The following MACF1 variants were observed in gnomAD, a reference collection of about 807,000 sequenced individuals.
The protein encoded by MACF1 is microtubule-actin cross-linking factor 1.
Under a neutral mutation model 854.8 loss-of-function variants are expected in MACF1, and 193 were observed. The ratio of observed to expected loss-of-function variants is 0.23; its 90% CI spans 0.20 to 0.25. The LOEUF is 0.25. MACF1 is among the 10% of genes least tolerant of loss of function. The pLI is 1.00. For synonymous variants in MACF1, 3,185 were observed against 3,226.7 expected, an observed-to-expected ratio of 0.99 and a Z score of 0.44; for missense variants, 7,722 against 8,929.1, an observed-to-expected ratio of 0.86 and a Z score of 5.45.
At chr1:39,127,050 C>A (rs1642878699) in intron 2 of MACF1, among the ~76,000 whole-genome samples, 1 of 151,756 alleles carries the variant, frequency 6.6e-6, no homozygotes, top group South Asian at 2.1e-4. Context: ...TGGCGAAACC[C>A]CGACTCTACT....
Position 39,447,908 on chromosome 1 carries a change from G to A in MACF1, c.19968+10G>A. ...GAAGCGGGCAAAACAAGTAAGTTGG[G>A]GAAGAAAGATACTAATTCACTGAAG... On this transcript the variant is annotated intron_variant, in intron 82 of 100. Transcript: ENST00000564288. 1 of 1,613,714 alleles carries A rather than the reference G, an allele frequency of 6.2e-7. No individual in the cohort carries two copies. Among genetic ancestry groups the A allele is most frequent in the Non-Finnish European group, 8.5e-7 (1 of 1,179,882 alleles).
At position 39,244,528 on chromosome 1, in the gene MACF1, G is replaced by A. The variant is rs554101645; in HGVS notation, c.172-5486G>A. ...GAACTCCTGACCTCATGATCCACCCGCCTTGGCCTCCCAAAGTGCTAGGAT... is the reference window on the plus strand; with the variant it reads ...GAACTCCTGACCTCATGATCCACCCACCTTGGCCTCCCAAAGTGCTAGGAT... On this transcript the variant is annotated intron_variant, in intron 2 of 100. Coordinates refer to ENST00000564288, the MANE Select transcript of MACF1 (RefSeq NM_001394062.1). 7.1e-4 allele frequency among the ~76,000 whole-genome samples: 107 copies of A among 151,160 alleles called. 1 individual carries two copies. Among genetic ancestry groups the A allele is most frequent in the South Asian group, 5.9e-3 (28 of 4,778 alleles).
Position 39,335,303 on chromosome 1 carries a change from T to C in MACF1, c.8715T>C (p.Asp2905=), listed in dbSNP as rs369541766. Residue 2905 remains aspartate (D), a synonymous_variant, in exon 37 of 101, where the codon GAT becomes GAC. Coordinates refer to ENST00000564288, the MANE Select transcript of MACF1 (RefSeq NM_001394062.1). ...TGGCTAGAAATAACATGGGAAATGA[T>C]ACAAATGAAGAGCAGGAAAAAGCAG... ...KEVARNNMGN[D]TNEEQEKAVT... is the part of the protein sequence containing the mutation. 1 of 1,614,072 alleles carries C rather than the reference T, an allele frequency of 6.2e-7. No individual in the cohort carries two copies. Among genetic ancestry groups the C allele is most frequent in the African/African-American group, 1.3e-5 (1 of 75,034 alleles).
chr1:39,334,139 T>C lies in MACF1; in HGVS notation c.7551T>C (p.Ser2517=), dbSNP rs1646772860. The change falls in exon 37 of 101, where the codon TCT becomes TCC. Residue 2517 remains serine (S), a synonymous_variant. Transcript: ENST00000564288. ...IIHHISGMRL[S]VDNAFRHGLI... is the part of the protein sequence containing the mutation. ...ACCATATATCTGGGATGAGACTTTCTGTTGATAATGCCTTCAGACATGGCT... is the reference window on the plus strand; with the variant it reads ...ACCATATATCTGGGATGAGACTTTCCGTTGATAATGCCTTCAGACATGGCT... 6.2e-7 allele frequency: 1 copy of C among 1,614,194 alleles called. No individual in the cohort carries two copies. Among genetic ancestry groups the C allele is most frequent in the Non-Finnish European group, 8.5e-7 (1 of 1,180,026 alleles).
chr1:39,138,502 G>A (rs958693368), intron 2 of MACF1, among the ~76,000 whole-genome samples: 15 of 150,418 alleles, frequency 1.0e-4, no homozygotes, highest in African/African-American at 3.2e-4. Flanking sequence ...GGAGAATGGC[G>A]TGAACCTGGG....
chr1:39,160,757 CAG>C (rs1339637383), intron 2 of MACF1, among the ~76,000 whole-genome samples: 3 of 152,190 alleles, frequency 2.0e-5, no homozygotes, highest in African/African-American at 4.8e-5. Context: ...GGCTGCCAGG[CAG>C]AGAGTTAGAT....
chr1:39,233,293 CAA>C (rs1275444008), intron 2 of MACF1, among the ~76,000 whole-genome samples: 1 of 152,192 alleles, frequency 6.6e-6, no homozygotes, highest in Non-Finnish European at 1.5e-5. Context: ...CTAAGTCTCC[CAA>C]AGTGCTGGGA....
intron 40 of MACF1, among the ~76,000 whole-genome samples, chr1:39,346,610 C>T (rs889579365): frequency 1.3e-5 from 2 of 150,956 alleles, no homozygotes; most frequent in African/African-American, 4.9e-5. Flanking sequence ...ACCTCTGCCT[C>T]CCGGGTTCAC....
chr1:39,323,807 C>G (rs1321193742), intron 33 of MACF1, among the ~76,000 whole-genome samples: 2 of 152,132 alleles, frequency 1.3e-5, no homozygotes, highest in East Asian at 3.8e-4. Context: ...ATATCCATAC[C>G]TACATAATGT....
At chr1:39,241,990 C>G (rs1467527516) in intron 2 of MACF1, among the ~76,000 whole-genome samples, 1 of 152,162 alleles carries the variant, frequency 6.6e-6, no homozygotes, top group Non-Finnish European at 1.5e-5. Flanking sequence ...TAACTTACTC[C>G]TTTTGTTAAA....
At chr1:39,190,270 CCT>C (rs1282578219) in intron 2 of MACF1, among the ~76,000 whole-genome samples, 5 of 151,672 alleles carry the variant, frequency 3.3e-5, no homozygotes, top group Admixed American at 6.6e-5. Context: ...TCCTTCGCTG[CCT>C]CTCTCTCTTC....
chr1:39,443,555 A>G lies in MACF1; in HGVS notation c.19412A>G (p.Glu6471Gly), dbSNP rs759381260. The G allele has an allele frequency of 1.2e-6, 2 of 1,612,456 alleles. No homozygotes were observed. Among genetic ancestry groups the G allele is most frequent in the Admixed American group, 1.7e-5 (1 of 59,668 alleles). Residue 6471 changes from glutamate to glycine, a missense_variant, in exon 79 of 101, where the codon GAA becomes GGA. By Grantham distance (98) the Glu-to-Gly change is moderately conservative. This residue lies in a region of MACF1 where 729 missense variants were observed against 900.5 expected (regional missense o/e 0.81). Transcript: ENST00000564288. ...GGAGGACTTCCTGAAACTGCTAGGG[A>G]ACAGCTTGATACACATATGGTAATA... ...PTGGLPETAR[E>G]QLDTHMELYS...
intron 2 of MACF1, among the ~76,000 whole-genome samples, chr1:39,186,531 A>C (rs1557505565): frequency 6.6e-6 from 1 of 152,016 alleles, no homozygotes; most frequent in Non-Finnish European, 1.5e-5. Context: ...TATAACATTA[A>C]ATCAAAATTA....
rs773763271 is a variant in MACF1, at chr1:39,176,109, CAAA to C, written c.221-55057_221-55055del. 7.2e-3 allele frequency among the ~76,000 whole-genome samples: 96 copies of C among 13,348 alleles called. 13 individuals are homozygous for C. Among genetic ancestry groups the C allele is most frequent in the Non-Finnish European group, 0.014 (51 of 3,536 alleles). 8.8% of individuals were successfully genotyped at this position (13,348 alleles called of 152,430 possible). A position where few individuals can be genotyped will look rare whatever the true frequency, so the allele number is the denominator to read the frequency against. On this transcript the variant is annotated intron_variant, in intron 2 of 93. Coordinates refer to the MACF1 transcript ENST00000361689. ...TGGGCGACAGAGCGAGACTCCTTCT[CAAA>C]AAAAAAAAAAAAAAAGCCAGGTGTG...
At chr1:39,177,222 G>A (rs1438496038) in intron 2 of MACF1, among the ~76,000 whole-genome samples, 4 of 152,052 alleles carry the variant, frequency 2.6e-5, no homozygotes, top group Non-Finnish European at 4.4e-5. Flanking sequence ...CACAACCCCC[G>A]CCTCCCAGGT....
intron 96 of MACF1, 25 bp from the exon 97 acceptor site, chr1:39,469,522 T>C: frequency 6.5e-7 from 1 of 1,528,574 alleles, no homozygotes; most frequent in Non-Finnish European, 8.9e-7. Context: ...TCTGTTTCTT[T>C]CTGTTTACGT....
chr1:39,191,920 G>A (rs762367974), intron 2 of MACF1, among the ~76,000 whole-genome samples: 1 of 152,148 alleles, frequency 6.6e-6, no homozygotes, highest in Non-Finnish European at 1.5e-5. Context: ...GGAGGCCGAA[G>A]CAGGTGGATC....
chr1:39,148,234 C>G lies in MACF1; in HGVS notation c.220+63796C>G. On this transcript the variant is annotated intron_variant, in intron 2 of 93. Transcript: ENST00000361689. ...GTTCAGTGACTGCAGGCTGTACTTT[C>G]TTCATCTTTGTTTTTTGGTGCCATA... is the stretch of plus-strand genomic sequence containing the variant. Among the ~76,000 whole-genome samples the G allele has an allele frequency of 1.3e-5, 2 of 152,116 alleles. 1 individual carries two copies. The highest frequency in any genetic ancestry group is 2.9e-5 in the Non-Finnish European group (2 of 68,012).
At chr1:39,454,576 C>G (rs2148684415) in intron 88 of MACF1, among the ~76,000 whole-genome samples, 1 of 152,136 alleles carries the variant, frequency 6.6e-6, no homozygotes, top group Middle Eastern at 3.4e-3. Context: ...TTGAGGCGGT[C>G]AGATTACCTG....
Sources: allele counts gnomAD v4.1 joint callset (sites outside exome capture counted in the v4.1 genomes callset), GRCh38; gene constraint gnomAD v4.1.1; regional missense constraint gnomAD v4.1.1; transcripts MANE v1.5; gene names NCBI Gene and HGNC (gene_info 2026-07-23, HGNC 2026-07-21).